Variants in GRIN2B observed in about 807,000 individuals in gnomAD.
The protein encoded by GRIN2B is glutamate receptor ionotropic, NMDA 2B.
GRIN2B carries 5 observed loss-of-function variants against 114.5 expected under a neutral mutation model. The observed-to-expected ratio is 0.04, with a 90% CI of 0.02 to 0.09. The LOEUF is 0.09. Among genes scored for constraint, GRIN2B ranks in the 10% least tolerant of loss-of-function variants. The pLI, the probability that GRIN2B is intolerant of heterozygous loss-of-function variation, is 1.00. For synonymous variants in GRIN2B, 787 were observed against 745.1 expected, an observed-to-expected ratio of 1.06 and a Z score of -0.92; for missense variants, 1,108 against 1,943.5, an observed-to-expected ratio of 0.57 and a Z score of 8.08.
chr12:13,618,204 G>T (rs1380632297), intron 5 of GRIN2B, among the ~76,000 whole-genome samples: 2 of 152,172 alleles, frequency 1.3e-5, no homozygotes, highest in Admixed American at 6.5e-5. Context: ...AGCCAGTGGA[G>T]ATACTAATGT....
chr12:13,811,773 C>T (rs148206258), intron 3 of GRIN2B, among the ~76,000 whole-genome samples: 56 of 152,276 alleles, frequency 3.7e-4, no homozygotes, highest in Non-Finnish European at 7.2e-4. Context: ...ACATACTAGC[C>T]TGACTGGAGA....
At chr12:13,856,040 G>C (rs1379051880) in intron 3 of GRIN2B, among the ~76,000 whole-genome samples, 1 of 152,190 alleles carries the variant, frequency 6.6e-6, no homozygotes, top group Non-Finnish European at 1.5e-5. Context: ...AGCACGAAGA[G>C]GGCACAGGTG....
chr12:13,683,170 T>C (rs751523438), intron 4 of GRIN2B, among the ~76,000 whole-genome samples: 2 of 152,128 alleles, frequency 1.3e-5, no homozygotes, highest in Admixed American at 6.5e-5. Flanking sequence ...TCATTCTCAT[T>C]AGTAAGATAT....
intron 2 of GRIN2B, among the ~76,000 whole-genome samples, chr12:13,923,970 G>A (rs1467752218): frequency 6.6e-6 from 1 of 152,274 alleles, no homozygotes; most frequent in African/African-American, 2.4e-5. Flanking sequence ...CTCTTGTAAG[G>A]AGAATTTGAA....
At chr12:13,740,159 T>C (rs1026969701) in intron 4 of GRIN2B, among the ~76,000 whole-genome samples, 1 of 152,214 alleles carries the variant, frequency 6.6e-6, no homozygotes, top group Non-Finnish European at 1.5e-5. Flanking sequence ...ACCAGGAAAT[T>C]CGTGATGGTT....
chr12:13,817,258 A>C (rs575654434), intron 3 of GRIN2B, among the ~76,000 whole-genome samples: 1 of 152,324 alleles, frequency 6.6e-6, no homozygotes, highest in African/African-American at 2.4e-5. Flanking sequence ...GGTAAATGAC[A>C]GTCAGACAGC....
intron 3 of GRIN2B, among the ~76,000 whole-genome samples, chr12:13,764,569 A>C (rs1233222131): frequency 6.6e-6 from 1 of 152,204 alleles, no homozygotes; most frequent in African/African-American, 2.4e-5. Context: ...AAGCAGCAGA[A>C]ATCACTCATG....
intron 3 of GRIN2B, among the ~76,000 whole-genome samples, chr12:13,823,871 T>C (rs1591752123): frequency 6.6e-6 from 1 of 152,300 alleles, no homozygotes; most frequent in Non-Finnish European, 1.5e-5. Context: ...GAGTGTTCAA[T>C]TTTTTCAAAC....
At chr12:13,567,299 G>C (rs995625907) in intron 12 of GRIN2B, 36 bp from the exon 13 acceptor site, 1 of 1,452,668 alleles carries the variant, frequency 6.9e-7, no homozygotes. Context: ...TGGATAAAAA[G>C]AGGAGACAGG....
intron 4 of GRIN2B, among the ~76,000 whole-genome samples, chr12:13,686,026 T>C (rs1346997371): frequency 2.6e-5 from 4 of 152,096 alleles, no homozygotes; most frequent in Non-Finnish European, 4.4e-5. Flanking sequence ...AATGTGTACA[T>C]AATCAAAGAA....
chr12:13,616,695 C>A, intron 5 of GRIN2B, 38 bp from the exon 6 acceptor site: 1 of 1,498,244 alleles, frequency 6.7e-7, no homozygotes, highest in Non-Finnish European at 9.3e-7. Context: ...AAACCACTGG[C>A]CACAACATAA....
intron 3 of GRIN2B, among the ~76,000 whole-genome samples, chr12:13,864,609 T>G (rs1274581670): frequency 6.6e-6 from 1 of 152,154 alleles, no homozygotes; most frequent in South Asian, 2.1e-4. Context: ...TAATGAACAA[T>G]AATCAGTAAA....
intron 3 of GRIN2B, among the ~76,000 whole-genome samples, chr12:13,833,984 T>C (rs1183704063): frequency 6.7e-6 from 1 of 148,906 alleles, no homozygotes; most frequent in East Asian, 2.0e-4. Flanking sequence ...ACAGAAAAGG[T>C]GCAAGGTGAA....
intron 2 of GRIN2B, among the ~76,000 whole-genome samples, chr12:13,959,819 C>G (rs1231677667): frequency 6.9e-6 from 1 of 144,556 alleles, no homozygotes; most frequent in Non-Finnish European, 1.5e-5. Flanking sequence ...GGAGAACATG[C>G]CAGGAGAGAT....
At chr12:13,588,513 T>A (rs899719491) in intron 10 of GRIN2B, among the ~76,000 whole-genome samples, 2 of 152,148 alleles carry the variant, frequency 1.3e-5, no homozygotes, top group Non-Finnish European at 2.9e-5. Context: ...AAACAGTAAG[T>A]CTGGCCTGAC....
chr12:13,847,559 T>C (rs987130265), intron 3 of GRIN2B, among the ~76,000 whole-genome samples: 4 of 152,038 alleles, frequency 2.6e-5, no homozygotes, highest in African/African-American at 4.8e-5. Flanking sequence ...AGCACGATGA[T>C]GGCTGCGTGT....
At chr12:13,598,374 T>C (rs1249081348) in intron 10 of GRIN2B, among the ~76,000 whole-genome samples, 3 of 152,182 alleles carry the variant, frequency 2.0e-5, no homozygotes, top group African/African-American at 4.8e-5. Flanking sequence ...CTCCTTCCCA[T>C]ATGGCCTCAT....
chr12:13,589,347 A>G (rs747823744), intron 10 of GRIN2B, among the ~76,000 whole-genome samples: 6 of 152,198 alleles, frequency 3.9e-5, no homozygotes, highest in Non-Finnish European at 7.3e-5. Context: ...CAAGGGGCTT[A>G]CAAGGTGATT....
intron 2 of GRIN2B, among the ~76,000 whole-genome samples, chr12:13,945,305 G>C (rs1232304080): frequency 6.6e-6 from 1 of 152,120 alleles, no homozygotes; most frequent in African/African-American, 2.4e-5. Context: ...AAGTGGCAGG[G>C]TGGTAAGCAT....
Sources: allele counts gnomAD v4.1 joint callset (sites outside exome capture counted in the v4.1 genomes callset), GRCh38; gene constraint gnomAD v4.1.1; transcripts MANE v1.5; gene names NCBI Gene and HGNC (gene_info 2026-07-23, HGNC 2026-07-21).